Variants in GRID1 observed in about 807,000 individuals in gnomAD.
GRID1 encodes the protein glutamate ionotropic receptor delta type subunit 1, also known as glutamate receptor ionotropic, delta-1.
Under a neutral mutation model 98.0 loss-of-function variants are expected in GRID1, and 28 were observed. The observed-to-expected ratio is 0.29, with a 90% CI of 0.21 to 0.39. The LOEUF is 0.39. GRID1 is among the 10% of genes least tolerant of loss of function. The pLI, the probability that GRID1 is intolerant of heterozygous loss-of-function variation, is 1.00. For synonymous variants in GRID1, 553 were observed against 538.5 expected (o/e 1.03, Z -0.37); for missense variants, 1,111 against 1,340.5 (o/e 0.83, Z 2.67).
intron 13 of GRID1, among the ~76,000 whole-genome samples, chr10:85,620,856 A>G (rs1017916839): frequency 6.6e-6 from 1 of 152,188 alleles, no homozygotes; most frequent in African/African-American, 2.4e-5. Context: ...GCACACACTC[A>G]CATGCATATA....
intron 4 of GRID1, among the ~76,000 whole-genome samples, chr10:85,952,273 A>G (rs1425498432): frequency 6.6e-6 from 1 of 152,242 alleles, no homozygotes; most frequent in African/African-American, 2.4e-5. Context: ...TGAAAACAGC[A>G]TGAGGAAGCA....
chr10:85,626,778 A>T (rs889084703), intron 13 of GRID1, among the ~76,000 whole-genome samples: 4 of 152,188 alleles, frequency 2.6e-5, no homozygotes, highest in Non-Finnish European at 2.9e-5. Context: ...TACCATGCCA[A>T]ATTGTAAGAT....
chr10:86,260,420 A>G (rs892931639), intron 2 of GRID1, among the ~76,000 whole-genome samples: 3 of 152,194 alleles, frequency 2.0e-5, no homozygotes, highest in Admixed American at 2.0e-4. Context: ...ATCTGCCTCT[A>G]AGAACTTCTA....
At chr10:85,793,490 C>T (rs1367524648) in intron 8 of GRID1, among the ~76,000 whole-genome samples, 1 of 152,158 alleles carries the variant, frequency 6.6e-6, no homozygotes, top group Non-Finnish European at 1.5e-5. Context: ...TCTGCATAAC[C>T]CAGCCCAGGC....
intron 8 of GRID1, among the ~76,000 whole-genome samples, chr10:85,822,003 G>T (rs1299053874): frequency 6.6e-6 from 1 of 152,124 alleles, no homozygotes; most frequent in Non-Finnish European, 1.5e-5. Context: ...GCTGAAACTG[G>T]ATCCCTTCCT....
At chr10:86,273,680 T>C (rs940378831) in intron 2 of GRID1, among the ~76,000 whole-genome samples, 4 of 152,178 alleles carry the variant, frequency 2.6e-5, no homozygotes, top group African/African-American at 7.2e-5. Flanking sequence ...TGAGCATTTT[T>C]TCATGTGTTT....
At chr10:85,797,025 C>T (rs569267308) in intron 8 of GRID1, among the ~76,000 whole-genome samples, 26 of 152,044 alleles carry the variant, frequency 1.7e-4, no homozygotes, top group African/African-American at 4.8e-4. Context: ...TGATAAAATA[C>T]CTGGAAAATT....
intron 4 of GRID1, among the ~76,000 whole-genome samples, chr10:86,027,836 G>C (rs146322468): frequency 6.6e-6 from 1 of 152,320 alleles, no homozygotes; most frequent in Non-Finnish European, 1.5e-5. Flanking sequence ...TATCACAACA[G>C]TCATTACAGA....
intron 2 of GRID1, among the ~76,000 whole-genome samples, chr10:86,273,510 C>G (rs966089626): frequency 1.3e-5 from 2 of 150,990 alleles, no homozygotes; most frequent in African/African-American, 4.9e-5. Flanking sequence ...AATGGTTGAA[C>G]TAGTTTACAG....
intron 4 of GRID1, among the ~76,000 whole-genome samples, chr10:86,033,968 G>C (rs576358279): frequency 3.2e-4 from 48 of 152,330 alleles, no homozygotes; most frequent in Non-Finnish European, 6.2e-4. Context: ...TGAGGATTCT[G>C]TGTCTACACT....
chr10:86,209,369 T>A (rs1564707097), intron 2 of GRID1, among the ~76,000 whole-genome samples: 3 of 152,234 alleles, frequency 2.0e-5, no homozygotes, highest in Non-Finnish European at 4.4e-5. Context: ...ACATGTGAAT[T>A]CACAGTATTC....
chr10:85,955,280 G>A (rs1365133896), intron 4 of GRID1, among the ~76,000 whole-genome samples: 1 of 152,182 alleles, frequency 6.6e-6, no homozygotes, highest in Non-Finnish European at 1.5e-5. Context: ...TCAGCATCAA[G>A]ATGGCGAACC....
chr10:85,673,223 GT>G (rs1483536634), intron 12 of GRID1, among the ~76,000 whole-genome samples: 2 of 152,210 alleles, frequency 1.3e-5, no homozygotes, highest in African/African-American at 4.8e-5. Context: ...GTGAACATTT[GT>G]TTCTTACAGA....
At chr10:85,762,826 G>A (rs1337986178) in intron 8 of GRID1, among the ~76,000 whole-genome samples, 1 of 152,210 alleles carries the variant, frequency 6.6e-6, no homozygotes, top group Non-Finnish European at 1.5e-5. Flanking sequence ...CAGGTGACTT[G>A]TCAGGTGCCT....
At chr10:85,727,700 GA>G (rs1340902544) in intron 10 of GRID1, among the ~76,000 whole-genome samples, 154 bp downstream of exon 10, 19 of 152,188 alleles carry the variant, frequency 1.2e-4, no homozygotes, top group African/African-American at 4.6e-4. Flanking sequence ...TGTAGCAGGG[GA>G]TTTGAAGACA....
intron 8 of GRID1, among the ~76,000 whole-genome samples, chr10:85,757,899 G>C (rs1227115037): frequency 6.6e-6 from 1 of 152,218 alleles, no homozygotes; most frequent in African/African-American, 2.4e-5. Context: ...ACACTGGCAA[G>C]TATTCTAAGG....
intron 5 of GRID1, among the ~76,000 whole-genome samples, chr10:85,881,036 G>C (rs571067121): frequency 6.6e-6 from 1 of 152,282 alleles, no homozygotes; most frequent in East Asian, 1.9e-4. Context: ...GCTTCAAAGA[G>C]AATAAAATAC....
intron 12 of GRID1, among the ~76,000 whole-genome samples, chr10:85,694,581 T>C (rs1397413639): frequency 1.1e-5 from 1 of 89,492 alleles, no homozygotes; most frequent in Non-Finnish European, 2.1e-5. Flanking sequence ...TATATATATA[T>C]ATATATATAT....
rs1845861715 is a variant in GRID1 at position 86,195,653 on chromosome 10, C to T, written c.520+10711G>A. On this transcript the variant is annotated intron_variant, in intron 3 of 15. Transcript: ENST00000327946. This position sits in a 1 kb window ranked among gnomAD's most constrained non-coding sequence, Gnocchi z 4.4. ...AGCAAACAAGCCCCCGCGGCGACCA[C>T]GCCATCAGGTGGGTAAGAGGATAAC... Among the ~76,000 whole-genome samples, 1 of 152,160 alleles carries T rather than the reference C, an allele frequency of 6.6e-6. No individual in the cohort carries two copies. Among genetic ancestry groups the T allele is most frequent in the Admixed American group, 6.5e-5 (1 of 15,276 alleles).
Sources: gnomAD v4.1 joint callset for allele counts (sites outside exome capture counted in the v4.1 genomes callset) on GRCh38, gnomAD v4.1.1 for gene constraint, Gnocchi (gnomAD v3.1) non-coding constraint, MANE v1.5 for transcripts, NCBI Gene and HGNC (gene_info 2026-07-23, HGNC 2026-07-21) for gene names.